Variants in RBFOX1 observed in about 807,000 individuals in gnomAD.
RBFOX1 encodes the protein RNA binding fox-1 homolog 1, also known as RNA binding protein fox-1 homolog 1.
A neutral mutation model predicts 57.7 loss-of-function variants in RBFOX1; 8 were observed. That is an observed-to-expected ratio of 0.14 (90% CI 0.08 to 0.25). The LOEUF is 0.25. RBFOX1 is among the 10% of genes least tolerant of loss of function. The pLI is 1.00. For missense variants in RBFOX1, 611 were observed against 548.5 expected (o/e 1.11, Z -1.14); for synonymous variants, 326 against 222.4 (o/e 1.47, Z -4.15).
chr16:7,394,120 T>C (rs1283846149), intron 4 of RBFOX1, among the ~76,000 whole-genome samples: 2 of 150,986 alleles, frequency 1.3e-5, no homozygotes, highest in Admixed American at 6.6e-5. Context: ...CCTGTAATCC[T>C]AGCTACTCTG....
intron 3 of RBFOX1, among the ~76,000 whole-genome samples, chr16:7,022,659 A>G (rs2039656277): frequency 6.6e-6 from 1 of 152,180 alleles, no homozygotes; most frequent in Non-Finnish European, 1.5e-5. Context: ...ATCCCCGTAT[A>G]GAGCTGACAT....
intron 2 of RBFOX1, among the ~76,000 whole-genome samples, chr16:5,556,826 G>A (rs1045415046): frequency 1.3e-5 from 2 of 152,184 alleles, no homozygotes; most frequent in African/African-American, 4.8e-5. Context: ...AGTATTTTCA[G>A]GCCACTGTGT....
At chr16:5,789,826 C>G (rs1054889791) in intron 3 of RBFOX1, among the ~76,000 whole-genome samples, 2 of 152,174 alleles carry the variant, frequency 1.3e-5, no homozygotes, top group Non-Finnish European at 2.9e-5. Flanking sequence ...GCCAACCTTC[C>G]TGAATTCACC....
At chr16:6,271,399 A>C (rs1057475924) in intron 1 of RBFOX1, among the ~76,000 whole-genome samples, 2 of 151,986 alleles carry the variant, frequency 1.3e-5, no homozygotes, top group African/African-American at 4.8e-5. Flanking sequence ...CTTCAGCTGG[A>C]GCGACAGAGC....
chr16:7,624,781 T>A lies in RBFOX1; in HGVS notation c.677-5822T>A, dbSNP rs898466483. Among the ~76,000 whole-genome samples the A allele has an allele frequency of 2.0e-5, 3 of 152,184 alleles. 1 individual carries two copies. Among genetic ancestry groups the A allele is most frequent in the Non-Finnish European group, 1.5e-5 (1 of 68,034 alleles). ...AAAGCCAGACATCAGTGGAGAGTTC[T>A]ATTTTTGTGTGACTCTGCACCACCA... On this transcript the variant is annotated intron_variant, in intron 10 of 15. Coordinates refer to ENST00000550418, the MANE Select transcript of RBFOX1 (RefSeq NM_018723.4).
chr16:7,085,677 T>C (rs1018104379), intron 4 of RBFOX1, among the ~76,000 whole-genome samples: 9 of 152,154 alleles, frequency 5.9e-5, no homozygotes, highest in Non-Finnish European at 7.4e-5. Context: ...CCTGTGCAAA[T>C]TGAGAATTTG....
At chr16:6,725,397 G>T (rs1174971970) in intron 3 of RBFOX1, among the ~76,000 whole-genome samples, 1 of 152,074 alleles carries the variant, frequency 6.6e-6, no homozygotes, top group Non-Finnish European at 1.5e-5. Context: ...CGAGGTCTTT[G>T]TGACCTGTAC....
chr16:5,311,687 G>T (rs2151222406), intron 1 of RBFOX1, among the ~76,000 whole-genome samples: 1 of 152,240 alleles, frequency 6.6e-6, no homozygotes, highest in South Asian at 2.1e-4. Context: ...TTGGTCATTT[G>T]TATATCTTCT....
chr16:6,165,062 G>A (rs527306781), intron 1 of RBFOX1, among the ~76,000 whole-genome samples: 1 of 152,178 alleles, frequency 6.6e-6, no homozygotes, highest in East Asian at 1.9e-4. Context: ...GATTCTTTGA[G>A]GCGTGATTAT....
At chr16:6,562,078 G>T (rs2097186387) in intron 2 of RBFOX1, among the ~76,000 whole-genome samples, 1 of 152,192 alleles carries the variant, frequency 6.6e-6, no homozygotes, top group Admixed American at 6.5e-5. Context: ...CATTACTGAT[G>T]TTCAGCTGCA....
At chr16:6,170,282 C>T (rs901407176) in intron 1 of RBFOX1, among the ~76,000 whole-genome samples, 1 of 152,086 alleles carries the variant, frequency 6.6e-6, no homozygotes, top group Non-Finnish European at 1.5e-5. Context: ...GTTTTCTTAC[C>T]CGCTGGGTTC....
chr16:7,459,826 G>A (rs549133483), intron 4 of RBFOX1, among the ~76,000 whole-genome samples: 1 of 152,098 alleles, frequency 6.6e-6, no homozygotes, highest in African/African-American at 2.4e-5. Flanking sequence ...ATGCTTACGG[G>A]CCACCATACA....
rs1031517995 is a variant in RBFOX1, at chr16:6,482,818, A to T, written c.-64+165761A>T. ...ATTTCTAGGTGAAGCAGCATATTGG[A>T]AGTCATAAATACTGTCCCGTGGACA... On this transcript the variant is annotated intron_variant, in intron 2 of 15. Coordinates refer to ENST00000550418, the MANE Select transcript of RBFOX1 (RefSeq NM_018723.4). 2.6e-5 allele frequency among the ~76,000 whole-genome samples: 4 copies of T among 152,268 alleles called. No homozygotes were observed. The Middle Eastern group carries it at 0.014, about 521-fold the overall frequency.
intron 3 of RBFOX1, among the ~76,000 whole-genome samples, chr16:5,797,304 T>C (rs1005010576): frequency 6.6e-5 from 10 of 152,232 alleles, no homozygotes; most frequent in Non-Finnish European, 1.5e-4. Flanking sequence ...ATCTTTGGGG[T>C]AGGCAGTTTT....
At chr16:6,580,574 A>G (rs1471102613) in intron 2 of RBFOX1, among the ~76,000 whole-genome samples, 1 of 130,040 alleles carries the variant, frequency 7.7e-6, no homozygotes, top group Non-Finnish European at 1.7e-5. Flanking sequence ...AATTCTGCAA[A>G]ACCAGAAATG....
intron 11 of RBFOX1, 120 bp from the exon 12 acceptor site, chr16:7,653,695 C>A: frequency 7.1e-7 from 1 of 1,406,528 alleles, no homozygotes; most frequent in Non-Finnish European, 9.5e-7. Context: ...TTCCGGGAAG[C>A]GGGCGGGGGT....
At chr16:5,300,934 G>GTC (rs1039262016) in intron 1 of RBFOX1, among the ~76,000 whole-genome samples, 2 of 152,116 alleles carry the variant, frequency 1.3e-5, no homozygotes, top group African/African-American at 4.8e-5. Context: ...CTGTCTGTCT[G>GTC]TCTCTCTCTC....
intron 3 of RBFOX1, among the ~76,000 whole-genome samples, chr16:5,621,028 G>T (rs1432210779): frequency 6.6e-6 from 1 of 152,130 alleles, no homozygotes; most frequent in Non-Finnish European, 1.5e-5. Context: ...TATCAGTAGA[G>T]GCGAGGTTTC....
At chr16:5,580,013 C>T (rs146142152) in intron 2 of RBFOX1, among the ~76,000 whole-genome samples, 7 of 152,182 alleles carry the variant, frequency 4.6e-5, no homozygotes, top group Non-Finnish European at 1.0e-4. Flanking sequence ...TCAGGTGATG[C>T]ACCCACCTTG....
Sources: gnomAD v4.1 joint callset for allele counts (sites outside exome capture counted in the v4.1 genomes callset) on GRCh38, gnomAD v4.1.1 for gene constraint, MANE v1.5 for transcripts, NCBI Gene and HGNC (gene_info 2026-07-23, HGNC 2026-07-21) for gene names.